The following C1QTNF7 variants were observed in gnomAD, a reference collection of about 807,000 sequenced individuals.
C1QTNF7 encodes the protein complement C1q tumor necrosis factor-related protein 7.
A neutral mutation model predicts 19.6 loss-of-function variants in C1QTNF7; 15 were observed. The ratio of observed to expected loss-of-function variants is 0.76; its 90% confidence interval spans 0.51 to 1.18. The LOEUF is 1.18. C1QTNF7 is among the 50% of genes most tolerant of loss of function. The probability of loss-of-function intolerance (pLI) is 0.00; values close to 1 mark genes in which losing one functional copy is unlikely to be tolerated. For missense variants in C1QTNF7, 324 were observed against 359.7 expected, an observed-to-expected ratio of 0.90 and a Z score of 0.80; for synonymous variants, 142 against 137.5, an observed-to-expected ratio of 1.03 and a Z score of -0.23.
intron 1 of C1QTNF7, among the ~76,000 whole-genome samples, chr4:15,406,732 A>T (rs1284819233): frequency 6.6e-6 from 1 of 152,234 alleles, no homozygotes; most frequent in Non-Finnish European, 1.5e-5. Context: ...ACTCTGTAGA[A>T]TTATATTTTA....
intron 1 of C1QTNF7, among the ~76,000 whole-genome samples, chr4:15,389,519 A>G (rs1385253803): frequency 6.6e-6 from 1 of 152,176 alleles, no homozygotes; most frequent in Non-Finnish European, 1.5e-5. Flanking sequence ...TCCCAGGTTC[A>G]AGCGATTCTC....
intron 1 of C1QTNF7, among the ~76,000 whole-genome samples, chr4:15,430,322 C>T (rs1158503397): frequency 6.6e-6 from 1 of 152,186 alleles, no homozygotes; most frequent in Non-Finnish European, 1.5e-5. Context: ...TGGCAGCTCA[C>T]TCTTGAAACC....
intron 1 of C1QTNF7, among the ~76,000 whole-genome samples, chr4:15,371,802 C>T (rs1216645769): frequency 6.6e-6 from 1 of 152,078 alleles, no homozygotes; most frequent in African/African-American, 2.4e-5. Context: ...AGAGAACATT[C>T]CAGGCAAACT....
intron 2 of C1QTNF7, among the ~76,000 whole-genome samples, chr4:15,438,512 G>A (rs1292044717): frequency 1.3e-5 from 2 of 152,120 alleles, no homozygotes; most frequent in East Asian, 1.9e-4. Context: ...CATAATTTTG[G>A]TCCAACTTCC....
chr4:15,423,153 T>C (rs1002394358), upstream of C1QTNF7, among the ~76,000 whole-genome samples: 1 of 152,216 alleles, frequency 6.6e-6, no homozygotes, highest in African/African-American at 2.4e-5. Context: ...GTTCCAGTTC[T>C]GGTTTAGCAT....
chr4:15,343,435 T>G (rs865858212), intron 1 of C1QTNF7, among the ~76,000 whole-genome samples: 2 of 152,104 alleles, frequency 1.3e-5, no homozygotes, highest in African/African-American at 4.8e-5. Context: ...TCTAAGAGAA[T>G]TGACTTTTTT....
chr4:15,389,347 G>T (rs969228733), intron 1 of C1QTNF7, among the ~76,000 whole-genome samples: 1 of 152,084 alleles, frequency 6.6e-6, no homozygotes. Flanking sequence ...GTGAGTTGGG[G>T]TCTACACAAA....
At chr4:15,382,848 GGA>G (rs1369196011) in intron 1 of C1QTNF7, among the ~76,000 whole-genome samples, 1 of 152,086 alleles carries the variant, frequency 6.6e-6, no homozygotes, top group Non-Finnish European at 1.5e-5. Flanking sequence ...CCAGCTGTTC[GGA>G]CTAAGTATCC....
chr4:15,400,632 A>G (rs965105527), intron 1 of C1QTNF7, among the ~76,000 whole-genome samples: 1 of 152,188 alleles, frequency 6.6e-6, no homozygotes, highest in Non-Finnish European at 1.5e-5. Flanking sequence ...TTCCAGCCAG[A>G]CCTCATGACC....
chr4:15,364,555 T>C (rs1181183592), intron 1 of C1QTNF7, among the ~76,000 whole-genome samples: 4 of 152,186 alleles, frequency 2.6e-5, no homozygotes, highest in African/African-American at 9.6e-5. Flanking sequence ...ACATTTGCCA[T>C]AGAATATTAT....
rs199963184 is a variant in C1QTNF7 at position 15,435,865 on chromosome 4, G to A, written c.122G>A (p.Gly41Glu). The A allele has an allele frequency of 1.2e-6, 2 of 1,614,054 alleles. No homozygotes were observed. Among genetic ancestry groups the A allele is most frequent in the East Asian group, 2.2e-5 (1 of 44,866 alleles). ...RYICSIPGLP[G>E]PPGPPGANGS... ...ATCTGCAGCATTCCTGGCTTGCCTGGACCTCCAGGGCCCCCTGGAGCAAAT... is the reference window on the plus strand; with the variant it reads ...ATCTGCAGCATTCCTGGCTTGCCTGAACCTCCAGGGCCCCCTGGAGCAAAT... Residue 41 changes from glycine to glutamate, a missense_variant, in exon 2 of 3, where the codon GGA (glycine) becomes GAA (glutamate). Gly to Glu is a moderately conservative substitution (Grantham distance 98). Transcript: ENST00000444304.
At chr4:15,362,689 T>C (rs1717386616) in intron 1 of C1QTNF7, among the ~76,000 whole-genome samples, 1 of 152,200 alleles carries the variant, frequency 6.6e-6, no homozygotes, top group Non-Finnish European at 1.5e-5. Flanking sequence ...TGCTAACCTT[T>C]GACAGAGCAT....
intron 1 of C1QTNF7, among the ~76,000 whole-genome samples, chr4:15,360,354 G>A (rs1717293226): frequency 6.6e-6 from 1 of 152,062 alleles, no homozygotes; most frequent in African/African-American, 2.4e-5. Context: ...GAGAGCCCCT[G>A]GTTATATTTT....
At chr4:15,413,183 A>T (rs1719467170) in intron 1 of C1QTNF7, among the ~76,000 whole-genome samples, 1 of 152,256 alleles carries the variant, frequency 6.6e-6, no homozygotes, top group Non-Finnish European at 1.5e-5. Flanking sequence ...AGTCTCCTGC[A>T]CACAACCTCC....
chr4:15,443,002 A>G lies in C1QTNF7; in HGVS notation c.*203A>G. 2 of 442,390 alleles carry G rather than the reference A, an allele frequency of 4.5e-6. No homozygotes were observed. Among genetic ancestry groups the G allele is most frequent in the Non-Finnish European group, 3.9e-6 (1 of 258,872 alleles). 27.4% of individuals were successfully genotyped at this position (442,390 alleles called of 1,614,324 possible). ...GAATTCTATTAAAGAATAGCCCCAG[A>G]TATAAATTCTCTTGAAAGCAATGTT... is the stretch of plus-strand genomic sequence containing the variant. On this transcript the variant is annotated 3_prime_UTR_variant, in exon 3 of 3. Coordinates refer to ENST00000444304, the MANE Select transcript of C1QTNF7 (RefSeq NM_031911.5).
At chr4:15,405,489 C>A (rs559866074) in intron 1 of C1QTNF7, among the ~76,000 whole-genome samples, 1 of 152,284 alleles carries the variant, frequency 6.6e-6, no homozygotes, top group African/African-American at 2.4e-5. Flanking sequence ...CCAGTAGAAT[C>A]GGCACTCTGG....
intron 1 of C1QTNF7, among the ~76,000 whole-genome samples, chr4:15,429,365 T>C (rs1712203996): frequency 6.6e-6 from 1 of 152,198 alleles, no homozygotes; most frequent in African/African-American, 2.4e-5. Context: ...AAACTCTCTA[T>C]ACCCATGAAA....
upstream of C1QTNF7, chr4:15,427,911 G>A: frequency 4.1e-6 from 2 of 483,064 alleles, no homozygotes; most frequent in Non-Finnish European, 5.4e-6. Context: ...CTCACTCGAT[G>A]AATGACTTCC....
chr4:15,396,445 A>G (rs577982892), intron 1 of C1QTNF7, among the ~76,000 whole-genome samples: 47 of 152,230 alleles, frequency 3.1e-4, no homozygotes, highest in African/African-American at 1.1e-3. Flanking sequence ...ATCTTTTCTC[A>G]GCGCTTCCAG....
Sources: gnomAD v4.1 joint callset for allele counts (sites outside exome capture counted in the v4.1 genomes callset) on GRCh38, gnomAD v4.1.1 for gene constraint, MANE v1.5 for transcripts, NCBI Gene and HGNC (gene_info 2026-07-23, HGNC 2026-07-21) for gene names.